The following KIF6 variants were observed in gnomAD, a reference collection of about 807,000 sequenced individuals.
KIF6 encodes the protein kinesin family member 6, also known as kinesin-like protein KIF6.
Under a neutral mutation model 112.7 loss-of-function variants are expected in KIF6, and 106 were observed. The ratio of observed to expected loss-of-function variants is 0.94; its 90% confidence interval spans 0.80 to 1.11. The LOEUF is 1.11. Among genes scored for constraint, KIF6 ranks in the 50% least tolerant of loss-of-function variants. The pLI is 0.00. For missense variants in KIF6, 929 were observed against 964.0 expected (o/e 0.96, Z 0.48); for synonymous variants, 339 against 339.9 (o/e 1.00, Z 0.03).
chr6:39,393,097 C>T (rs1402901343), intron 15 of KIF6, among the ~76,000 whole-genome samples: 10 of 152,144 alleles, frequency 6.6e-5, no homozygotes, highest in Non-Finnish European at 1.0e-4. Flanking sequence ...CCACAGGTGC[C>T]GGGAGATAGT....
chr6:39,385,784 G>A, intron 15 of KIF6, 112 bp from the exon 16 acceptor site: 1 of 739,118 alleles, frequency 1.4e-6, no homozygotes, highest in Non-Finnish European at 2.4e-6. Context: ...TAGAGTAAGG[G>A]AAACAAAAGC....
intron 13 of KIF6, among the ~76,000 whole-genome samples, chr6:39,479,045 T>A (rs1201861888): frequency 6.6e-6 from 1 of 152,176 alleles, no homozygotes; most frequent in Non-Finnish European, 1.5e-5. Flanking sequence ...TCCCAGTATG[T>A]GTGTTGTCCG....
intron 10 of KIF6, among the ~76,000 whole-genome samples, chr6:39,560,579 C>T (rs377156870): frequency 6.6e-6 from 1 of 152,186 alleles, no homozygotes; most frequent in South Asian, 2.1e-4. Flanking sequence ...TCTGCACATC[C>T]CTGTTCTTCC....
chr6:39,577,956 C>G, intron 10 of KIF6, 100 bp downstream of exon 10: 1 of 772,548 alleles, frequency 1.3e-6, no homozygotes, highest in Admixed American at 2.4e-5. Context: ...TCCCAGGAGA[C>G]CTTCATGCTT....
intron 13 of KIF6, among the ~76,000 whole-genome samples, chr6:39,481,170 A>T (rs1174188407): frequency 6.6e-6 from 1 of 152,202 alleles, no homozygotes; most frequent in African/African-American, 2.4e-5. Flanking sequence ...AAGAGCATAC[A>T]TTAATATTTT....
rs1002543844 is a variant in KIF6 at position 39,332,868 on chromosome 6, C to T, written c.*3664G>A. 4 of 152,188 alleles carry T rather than the reference C, an allele frequency of 2.6e-5. No homozygotes were observed. Among genetic ancestry groups the T allele is most frequent in the African/African-American group, 7.2e-5 (3 of 41,436 alleles). The allele number at this position is 152,188 out of a possible 1,614,324, so 9.4% of individuals were successfully genotyped here. A position where few individuals can be genotyped will look rare whatever the true frequency, so the allele number is the denominator to read the frequency against. On this transcript the variant is annotated 3_prime_UTR_variant, in exon 23 of 23. Transcript: ENST00000287152. ...GCAAATTTAAGCCACTTTGTCCTCC[C>T]TGGATTCCCAGCTCCATTTCCTCAA...
At chr6:39,536,249 C>A (rs1275992468) in intron 13 of KIF6, among the ~76,000 whole-genome samples, 1 of 151,762 alleles carries the variant, frequency 6.6e-6, no homozygotes, top group Non-Finnish European at 1.5e-5. Flanking sequence ...CACAAAAAAA[C>A]CCTTCAAAAA....
At position 39,455,340 on chromosome 6, in the gene KIF6, G is replaced by A. The variant is rs575754449; in HGVS notation, c.1646-24179C>T. On this transcript the variant is annotated intron_variant, in intron 13 of 22. Transcript: ENST00000287152. ...TGTTAGAAGGAAAACTAACAAACAG[G>A]AAGGACATCCACACCGAAAACCCAT... Among the ~76,000 whole-genome samples, 142 of 151,742 alleles carry A rather than the reference G, an allele frequency of 9.4e-4. No individual in the cohort carries two copies. In the Middle Eastern group the frequency reaches 0.014, roughly 15 times the overall value.
chr6:39,474,927 G>A (rs773081697), intron 13 of KIF6, among the ~76,000 whole-genome samples: 2 of 152,238 alleles, frequency 1.3e-5, no homozygotes, highest in South Asian at 2.1e-4. Flanking sequence ...GATTTAGGAC[G>A]ATTGCTATGA....
intron 13 of KIF6, among the ~76,000 whole-genome samples, chr6:39,450,522 A>C (rs972758355): frequency 2.6e-5 from 4 of 152,170 alleles, no homozygotes; most frequent in African/African-American, 9.6e-5. Context: ...GAAGCAAGAA[A>C]GGCCGGGCAC....
intron 13 of KIF6, among the ~76,000 whole-genome samples, chr6:39,466,848 T>C (rs1229869995): frequency 6.6e-6 from 1 of 152,194 alleles, no homozygotes; most frequent in Non-Finnish European, 1.5e-5. Context: ...AGGCCAAGAA[T>C]ACCAGGTCTC....
chr6:39,381,057 A>T (rs1342722896), intron 16 of KIF6, among the ~76,000 whole-genome samples: 1 of 152,168 alleles, frequency 6.6e-6, no homozygotes, highest in Non-Finnish European at 1.5e-5. Context: ...TCCATGAATG[A>T]TTTCTTCCAA....
At chr6:39,659,940 C>T (rs1485479712) in intron 3 of KIF6, among the ~76,000 whole-genome samples, 1 of 152,074 alleles carries the variant, frequency 6.6e-6, no homozygotes, top group Non-Finnish European at 1.5e-5. Flanking sequence ...TAAATTTGGC[C>T]ATGCTGAGAA....
chr6:39,529,782 G>A (rs560131571), intron 13 of KIF6, among the ~76,000 whole-genome samples: 15 of 151,284 alleles, frequency 9.9e-5, no homozygotes, highest in Admixed American at 2.6e-4. Flanking sequence ...GCGAGACTCC[G>A]TCTCAAAAAA....
At chr6:39,447,589 A>G (rs1484063929) in intron 13 of KIF6, among the ~76,000 whole-genome samples, 4 of 152,166 alleles carry the variant, frequency 2.6e-5, no homozygotes, top group Non-Finnish European at 5.9e-5. Context: ...AGAAAAGATA[A>G]TCTATTTGTA....
intron 15 of KIF6, among the ~76,000 whole-genome samples, chr6:39,390,150 T>C (rs892111995): frequency 2.0e-5 from 3 of 152,050 alleles, no homozygotes; most frequent in South Asian, 2.1e-4. Context: ...CTAACCTCAA[T>C]GTTATCATTT....
intron 13 of KIF6, among the ~76,000 whole-genome samples, chr6:39,468,734 C>A: frequency 6.6e-6 from 1 of 150,672 alleles, no homozygotes; most frequent in African/African-American, 2.4e-5. Context: ...AGTTTAAGTG[C>A]AAGTGACTCT....
At chr6:39,672,252 G>C (rs183971037) in intron 3 of KIF6, among the ~76,000 whole-genome samples, 1 of 152,144 alleles carries the variant, frequency 6.6e-6, no homozygotes, top group Non-Finnish European at 1.5e-5. Flanking sequence ...AAAGTGCTGG[G>C]ATTACAGGCA....
intron 5 of KIF6, among the ~76,000 whole-genome samples, chr6:39,631,096 A>G (rs1330620274): frequency 6.6e-6 from 1 of 151,996 alleles, no homozygotes; most frequent in Non-Finnish European, 1.5e-5. Context: ...GGATTTTTGC[A>G]TGTGTAGTCA....
Sources: gnomAD v4.1 joint callset for allele counts (sites outside exome capture counted in the v4.1 genomes callset) on GRCh38, gnomAD v4.1.1 for gene constraint, MANE v1.5 for transcripts, NCBI Gene and HGNC (gene_info 2026-07-23, HGNC 2026-07-21) for gene names.